Variants in CARS1 observed in about 807,000 individuals in gnomAD.
The protein encoded by CARS1 is cysteinyl-tRNA synthetase 1.
A neutral mutation model predicts 106.2 loss-of-function variants in CARS1; 48 were observed. The observed-to-expected ratio is 0.45, with a 90% CI of 0.36 to 0.57. CARS1 has a LOEUF of 0.57. Among genes scored for constraint, CARS1 ranks in the 20% least tolerant of loss-of-function variants. CARS1 has a pLI of 0.00. For synonymous variants in CARS1, 409 were observed against 403.4 expected (o/e 1.01, Z -0.17); for missense variants, 968 against 1,057.2 (o/e 0.92, Z 1.17).
chr11:3,024,424 G>T (rs969949776), intron 10 of CARS1, among the ~76,000 whole-genome samples: 1 of 151,768 alleles, frequency 6.6e-6, no homozygotes, highest in African/African-American at 2.4e-5. Context: ...GTCAGTGTTG[G>T]TATCTTTTTT....
chr11:3,040,066 C>G lies in CARS1; in HGVS notation c.456-135G>C. On this transcript the variant is annotated intron_variant, in intron 4 of 22. Coordinates refer to ENST00000380525, the MANE Select transcript of CARS1 (RefSeq NM_001014437.3). The surrounding 1 kb of genome is among the most constrained non-coding windows in gnomAD (Gnocchi z 5.8). ...CATCCCTGAAACAGCAAGACCCCCC[C>G]TTCTCCTCCTCAGTCTACTCAACGT... 1.8e-6 allele frequency: 1 copy of G among 562,314 alleles called. No homozygotes were observed. Among genetic ancestry groups the G allele is most frequent in the Non-Finnish European group, 3.1e-6 (1 of 321,860 alleles). The allele number at this position is 562,314 out of a possible 1,614,324, so 34.8% of individuals were successfully genotyped here.
intron 17 of CARS1, among the ~76,000 whole-genome samples, chr11:3,014,083 C>T (rs1307870219): frequency 2.0e-5 from 3 of 152,162 alleles, no homozygotes; most frequent in African/African-American, 7.2e-5. Context: ...CGATCTGTAT[C>T]TCCACCCACC....
In CARS1 at chr11:3,006,941, A is replaced by G. The variant is rs187175475; in HGVS notation, c.2087T>C (p.Leu696Pro). 1.9e-6 allele frequency: 3 copies of G among 1,613,946 alleles called. No individual in the cohort carries two copies. The highest frequency in any genetic ancestry group is 2.5e-6 in the Non-Finnish European group (3 of 1,180,008). ...GATGTTGTCCCGCAGGGCATCGCTG[A>G]GCTGCAGAATCTCAGGGACTGTAGG... ...REQKVPEILQ[L>P]SDALRDNILP... Residue 696 changes from leucine to proline, a missense_variant, in exon 19 of 23, where the codon CTC becomes CCC. Physicochemically the swap from Leu to Pro is moderately conservative, Grantham distance 98. Coordinates refer to ENST00000380525, the MANE Select transcript of CARS1 (RefSeq NM_001014437.3).
At position 3,017,238 on chromosome 11, in the gene CARS1, G is replaced by T. The variant is rs1479613338; in HGVS notation, c.1785C>A (p.Arg595=). ...AGGCCCGCATCTCTTCCATGACGGT[G>T]CGGGTGTCAACATTGTCACAGAGGG... ...HKALCDNVDT[R]TVMEEMRALV... The change falls in exon 16 of 23, where the codon CGC becomes CGA. Residue 595 remains arginine, a synonymous_variant. Coordinates refer to ENST00000380525, the MANE Select transcript of CARS1 (RefSeq NM_001014437.3). The surrounding 1 kb of genome is among the most constrained non-coding windows in gnomAD (Gnocchi z 4.9). 1 of 1,614,154 alleles carries T rather than the reference G, an allele frequency of 6.2e-7. No individual in the cohort carries two copies. Among genetic ancestry groups the T allele is most frequent in the Non-Finnish European group, 8.5e-7 (1 of 1,179,998 alleles).
At chr11:3,013,478 G>A (rs1850699602) in intron 17 of CARS1, among the ~76,000 whole-genome samples, 1 of 152,172 alleles carries the variant, frequency 6.6e-6, no homozygotes, top group South Asian at 2.1e-4. Flanking sequence ...TAATAGGACA[G>A]AAAAGGTTTT....
intron 21 of CARS1, 76 bp from the exon 22 acceptor site, chr11:3,002,129 A>C (rs753892919): frequency 1.0e-6 from 1 of 972,872 alleles, no homozygotes; most frequent in South Asian, 1.3e-5. Context: ...ACATCTGCTC[A>C]TACCTCCAGC....
At chr11:3,006,379 G>C (rs749570735) in intron 19 of CARS1, among the ~76,000 whole-genome samples, 3 of 152,244 alleles carry the variant, frequency 2.0e-5, no homozygotes, top group Non-Finnish European at 2.9e-5. Flanking sequence ...CCGGGAGGCA[G>C]AGGTTGCAAT....
In CARS1 at chr11:3,015,833, T is replaced by G; in HGVS notation, c.1934A>C (p.Glu645Ala). The G allele has an allele frequency of 6.2e-7, 1 of 1,614,130 alleles. No homozygotes were observed. ...THMLKIFGAV[E>A]EDSSLGFPVG... Reference sequence around the variant, plus strand: ...CGGGAATCCCAGGGAGCTGTCCTCTTCTACGGCCCCAAAGATCTAGGAAAA... The same window carrying G: ...CGGGAATCCCAGGGAGCTGTCCTCTGCTACGGCCCCAAAGATCTAGGAAAA... Residue 645 changes from glutamate (E) to alanine (A), a missense_variant, in exon 17 of 23, where the codon GAA becomes GCA. Physicochemically the swap from Glu to Ala is moderately radical, Grantham distance 107. Coordinates refer to ENST00000380525, the MANE Select transcript of CARS1 (RefSeq NM_001014437.3).
In CARS1 at chr11:3,042,229, C is replaced by T; in HGVS notation, c.302G>A (p.Trp101Ter). 1 of 1,613,392 alleles carries T rather than the reference C, an allele frequency of 6.2e-7. No individual in the cohort carries two copies. Among genetic ancestry groups the T allele is most frequent in the Non-Finnish European group, 8.5e-7 (1 of 1,179,980 alleles). Residue 101 changes from tryptophan (W) to a stop codon, truncating the protein, a stop_gained, in exon 3 of 23, where the codon TGG (tryptophan) becomes TAG (stop). Transcript: ENST00000380525. LOFTEE classifies it high-confidence loss of function. ...TGGCTGGGTCCCAGCAGGAGGGGAC[C>T]ACTGGGGCTGCACACGCCGGCCTTT... ...ASKGRRVQPQ[W>*]SPPAGTQPCR...
rs1854408701 is a variant in CARS1, at chr11:3,041,244, A to T, written c.367-260T>A. On this transcript the variant is annotated intron_variant, in intron 3 of 22. Coordinates refer to ENST00000380525, the MANE Select transcript of CARS1 (RefSeq NM_001014437.3). This position sits in a 1 kb window ranked among gnomAD's most constrained non-coding sequence, Gnocchi z 4.9. The stretch of plus-strand genomic sequence containing the variant: ...ACTCATCTATGGAGGGAGGCGATAA[A>T]GGGAATCAATGATTTTATTGATTGT... 4.0e-6 allele frequency: 2 copies of T among 498,404 alleles called. No homozygotes were observed. Among genetic ancestry groups the T allele is most frequent in the Non-Finnish European group, 7.2e-6 (2 of 277,828 alleles). 30.9% of individuals were successfully genotyped at this position (498,404 alleles called of 1,614,324 possible). A position where few individuals can be genotyped will look rare whatever the true frequency, so the allele number is the denominator to read the frequency against.
chr11:3,047,763 C>T lies in CARS1; in HGVS notation c.264G>A (p.Arg88=), dbSNP rs943169894. Residue 88 remains arginine, a synonymous_variant, in exon 2 of 23, where the codon AGG becomes AGA. Transcript: ENST00000380525. ...GSPCGKGQPC[R]LQASKGRRVQ... ...CACTCTGTTACTCACTTGCTTGGAGCCTGCAGGGCTGGCCTTTGCCACAGG... is the reference window on the plus strand; with the variant it reads ...CACTCTGTTACTCACTTGCTTGGAGTCTGCAGGGCTGGCCTTTGCCACAGG... 15 of 1,610,138 alleles carry T rather than the reference C, an allele frequency of 9.3e-6. No homozygotes were observed. Among genetic ancestry groups the T allele is most frequent in the Non-Finnish European group, 1.3e-5 (15 of 1,177,214 alleles).
chr11:3,029,447 A>G lies in CARS1; in HGVS notation c.802-4T>C. On this transcript the variant is annotated splice_polypyrimidine_tract_variant and splice_region_variant and intron_variant, in intron 7 of 22. Coordinates refer to ENST00000380525, the MANE Select transcript of CARS1 (RefSeq NM_001014437.3). This position sits in a 1 kb window ranked among gnomAD's most constrained non-coding sequence, Gnocchi z 5.9. ...CCTTGGCTTCTTCCAGCAACACCTG[A>G]AGAGAAAGAAACAAAAATCCAGCAG... The G allele has an allele frequency of 6.2e-7, 1 of 1,613,272 alleles. No homozygotes were observed. Among genetic ancestry groups the G allele is most frequent in the Non-Finnish European group, 8.5e-7 (1 of 1,179,768 alleles).
In CARS1 at chr11:3,044,553, C is replaced by G. The variant is rs556603526; in HGVS notation, c.275-2297G>C. Among the ~76,000 whole-genome samples, 1 of 152,232 alleles carries G rather than the reference C, an allele frequency of 6.6e-6. No homozygotes were observed. The highest frequency in any genetic ancestry group is 2.1e-4 in the South Asian group (1 of 4,820). On this transcript the variant is annotated intron_variant, in intron 2 of 22. Transcript: ENST00000380525. This position sits in a 1 kb window ranked among gnomAD's most constrained non-coding sequence, Gnocchi z 4.4. ...CTAGGACTACAGGCACCTGCCACCA[C>G]GCCCCACCAATTTTTGTATCTTTAG...
rs116959933 is a variant in CARS1, at chr11:3,046,525, T to G, written c.274+1228A>C. Among the ~76,000 whole-genome samples the G allele has an allele frequency of 0.011, 1,628 of 152,240 alleles. 9 individuals carry two copies. The highest frequency in any genetic ancestry group is 0.037 in the Middle Eastern group (11 of 294). On this transcript the variant is annotated intron_variant, in intron 2 of 22. Coordinates refer to ENST00000380525, the MANE Select transcript of CARS1 (RefSeq NM_001014437.3). The surrounding 1 kb of genome is among the most constrained non-coding windows in gnomAD (Gnocchi z 5.8). ...TCTGCCCTACGCTGGGGAAGGAGTG[T>G]CTGCTGCAGAGTTATCCAGAAAACA...
At chr11:3,007,787 T>C (rs966415264) in intron 18 of CARS1, 2 of 152,170 alleles carry the variant, frequency 1.3e-5, no homozygotes, top group Admixed American at 1.3e-4. Flanking sequence ...ATCCCACGGT[T>C]CTCCTAGTGG....
rs1257260972 is a variant in CARS1, at chr11:3,039,471, G to A, written c.553-179C>T. 6.6e-6 allele frequency among the ~76,000 whole-genome samples: 1 copy of A among 152,138 alleles called. No individual in the cohort carries two copies. Among genetic ancestry groups the A allele is most frequent in the Non-Finnish European group, 1.5e-5 (1 of 68,030 alleles). On this transcript the variant is annotated intron_variant, in intron 5 of 22. Coordinates refer to ENST00000380525, the MANE Select transcript of CARS1 (RefSeq NM_001014437.3). The surrounding 1 kb of genome is among the most constrained non-coding windows in gnomAD (Gnocchi z 5.6). Reference sequence around the variant, plus strand: ...AAACACCACCCTCCATCTCCCACCTGCCAAGTAGTGCCCAAGGCCTAACAT... The same window carrying A: ...AAACACCACCCTCCATCTCCCACCTACCAAGTAGTGCCCAAGGCCTAACAT...
At chr11:3,025,665 T>A (rs535763153) in intron 10 of CARS1, among the ~76,000 whole-genome samples, 3 of 152,208 alleles carry the variant, frequency 2.0e-5, no homozygotes, top group African/African-American at 7.2e-5. Flanking sequence ...ATTGCGGGAA[T>A]CCCCACTCTG....
At position 3,015,827 on chromosome 11, in the gene CARS1, T is replaced by C. The variant is rs1238362253; in HGVS notation, c.1940A>G (p.Asp647Gly). 2.5e-6 allele frequency: 4 copies of C among 1,613,842 alleles called. No individual in the cohort carries two copies. In the African/African-American group the frequency reaches 5.3e-5, roughly 22 times the overall value. ...TCCGACCGGGAATCCCAGGGAGCTG[T>C]CCTCTTCTACGGCCCCAAAGATCTA... ...MLKIFGAVEE[D>G]SSLGFPVGGP... The change falls in exon 17 of 23, where the codon GAC (aspartate) becomes GGC (glycine). Residue 647 changes from aspartate to glycine, a missense_variant. By Grantham distance (94) the Asp-to-Gly change is moderately conservative (BLOSUM62 -1). Coordinates refer to ENST00000380525, the MANE Select transcript of CARS1 (RefSeq NM_001014437.3).
Position 3,017,333 on chromosome 11 carries a change from G to A in CARS1, c.1728-38C>T. 2 of 1,578,802 alleles carry A rather than the reference G, an allele frequency of 1.3e-6. No homozygotes were observed. Among genetic ancestry groups the A allele is most frequent in the Non-Finnish European group, 1.7e-6 (2 of 1,150,700 alleles). On this transcript the variant is annotated intron_variant, in intron 15 of 22. Coordinates refer to ENST00000380525, the MANE Select transcript of CARS1 (RefSeq NM_001014437.3). The surrounding 1 kb of genome is among the most constrained non-coding windows in gnomAD (Gnocchi z 4.9). The stretch of plus-strand genomic sequence containing the variant: ...GAGGAAGGAATGTGAAGTCAGACCT[G>A]AAAACACACCATAGAAATTCCCCAT...
Sources: allele counts gnomAD v4.1 joint callset (sites outside exome capture counted in the v4.1 genomes callset), GRCh38; gene constraint gnomAD v4.1.1; non-coding constraint Gnocchi (gnomAD v3.1); transcripts MANE v1.5; gene names NCBI Gene and HGNC (gene_info 2026-07-23, HGNC 2026-07-21).